AGBL4: variants seen among roughly 807,000 people sequenced by gnomAD.
The protein encoded by AGBL4 is AGBL carboxypeptidase 4.
In AGBL4, 58 loss-of-function variants were observed where a neutral mutation model predicts 66.4. The observed-to-expected ratio is 0.87, with a 90% CI of 0.71 to 1.09. The LOEUF is 1.09. Among genes scored for constraint, AGBL4 ranks in the 50% least tolerant of loss-of-function variants. The pLI, the probability that AGBL4 is intolerant of heterozygous loss-of-function variation, is 0.00. For missense variants in AGBL4, 579 were observed against 631.0 expected (o/e 0.92, Z 0.88); for synonymous variants, 234 against 222.9 (o/e 1.05, Z -0.44).
chr1:49,711,160 G>A (rs182613972), intron 2 of AGBL4, among the ~76,000 whole-genome samples: 7 of 152,028 alleles, frequency 4.6e-5, no homozygotes, highest in Non-Finnish European at 8.8e-5. Context: ...AATGTAAAAG[G>A]ACGATCACTT....
At chr1:48,525,606 T>C in the AGBL4 span, among the ~76,000 whole-genome samples, 1 of 152,164 alleles carries the variant, frequency 6.6e-6, no homozygotes, top group Non-Finnish European at 1.5e-5. Context: ...ATTATGTCAG[T>C]TGAAGATTAT....
chr1:48,785,253 C>G (rs2148722993), intron 6 of AGBL4, among the ~76,000 whole-genome samples: 1 of 152,322 alleles, frequency 6.6e-6, no homozygotes, highest in Admixed American at 6.5e-5. Flanking sequence ...GATCAAAGCT[C>G]CATTAGAGAA....
chr1:49,062,534 T>TGAGA (rs1482343601), intron 4 of AGBL4, among the ~76,000 whole-genome samples: 1 of 152,164 alleles, frequency 6.6e-6, no homozygotes, highest in Non-Finnish European at 1.5e-5. Context: ...AATGCATGAA[T>TGAGA]GAGAGTGTTA....
At chr1:49,541,812 T>C (rs976798921) in intron 3 of AGBL4, among the ~76,000 whole-genome samples, 5 of 152,178 alleles carry the variant, frequency 3.3e-5, no homozygotes, top group African/African-American at 4.8e-5. Flanking sequence ...AGAACCTTTA[T>C]GTCTAGCTAA....
At chr1:48,753,433 ATCAGCTGCC>A (rs1652062101) in intron 6 of AGBL4, among the ~76,000 whole-genome samples, 1 of 152,260 alleles carries the variant, frequency 6.6e-6, no homozygotes, top group Non-Finnish European at 1.5e-5. Context: ...TTTGGCTGAC[ATCAGCTGCC>A]TTTTCTAAGG....
rs1015167130 is a variant in AGBL4 at position 49,542,921 on chromosome 1, A to C, written c.282+154392T>G. Among the ~76,000 whole-genome samples, 72 of 150,926 alleles carry C rather than the reference A, an allele frequency of 4.8e-4. 1 individual carries two copies. The highest frequency in any genetic ancestry group is 3.2e-3 in the Admixed American group (48 of 15,092). On this transcript the variant is annotated intron_variant, in intron 3 of 13. Transcript: ENST00000371839. Reference sequence around the variant, plus strand: ...CAAAAAAAAAAAAAAAAAAAAAAAAAAAAACTCAACAACTCTAGAAACTAG... The same window carrying C: ...CAAAAAAAAAAAAAAAAAAAAAAAACAAAACTCAACAACTCTAGAAACTAG...
At chr1:49,948,564 A>AAAT (rs1553152150) in intron 1 of AGBL4, among the ~76,000 whole-genome samples, 4 of 64,608 alleles carry the variant, frequency 6.2e-5, no homozygotes, top group Non-Finnish European at 1.2e-4. Flanking sequence ...AATATATAAA[A>AAAT]ATATATATAT....
At chr1:48,805,619 G>C (rs140724597) in intron 6 of AGBL4, among the ~76,000 whole-genome samples, 132 of 152,236 alleles carry the variant, frequency 8.7e-4, no homozygotes, top group African/African-American at 3.1e-3. Context: ...AAAGAATAAT[G>C]GCCCAGGATG....
At chr1:49,425,807 A>C (rs965802353) in intron 3 of AGBL4, among the ~76,000 whole-genome samples, 3 of 152,210 alleles carry the variant, frequency 2.0e-5, no homozygotes, top group Non-Finnish European at 4.4e-5. Context: ...AGGAAGAGCA[A>C]TATGGTACAA....
chr1:49,705,737 GTTT>G (rs569805129), intron 2 of AGBL4, among the ~76,000 whole-genome samples: 1 of 147,534 alleles, frequency 6.8e-6, no homozygotes, highest in Non-Finnish European at 1.5e-5. Flanking sequence ...TTTATTGAGT[GTTT>G]TTTTTTTACC....
intron 2 of AGBL4, among the ~76,000 whole-genome samples, chr1:49,827,447 T>G (rs1449787476): frequency 6.6e-6 from 1 of 152,188 alleles, no homozygotes. Flanking sequence ...AGTTAAAACA[T>G]AAGTTTGGTT....
intron 3 of AGBL4, among the ~76,000 whole-genome samples, chr1:49,538,196 C>T (rs1651752492): frequency 2.0e-5 from 3 of 152,248 alleles, no homozygotes; most frequent in Admixed American, 6.5e-5. Context: ...TGTGGAACCA[C>T]CCTAAGTGTG....
At chr1:49,881,153 G>A (rs976910796) in intron 1 of AGBL4, among the ~76,000 whole-genome samples, 2 of 152,138 alleles carry the variant, frequency 1.3e-5, no homozygotes, top group African/African-American at 4.8e-5. Flanking sequence ...GTAGACCAGA[G>A]CTGTTCCTAT....
At chr1:49,357,763 C>T (rs1269924787) in intron 3 of AGBL4, among the ~76,000 whole-genome samples, 3 of 152,134 alleles carry the variant, frequency 2.0e-5, no homozygotes, top group African/African-American at 4.8e-5. Flanking sequence ...TTAGAGTATT[C>T]GTGAAAAATA....
intron 3 of AGBL4, among the ~76,000 whole-genome samples, chr1:49,498,674 T>G (rs1350791951): frequency 6.6e-6 from 1 of 151,834 alleles, no homozygotes; most frequent in African/African-American, 2.4e-5. Flanking sequence ...CTTTCAATTA[T>G]TCAGGGTTGA....
chr1:49,731,095 A>C (rs967022953), intron 2 of AGBL4, among the ~76,000 whole-genome samples: 1 of 152,124 alleles, frequency 6.6e-6, no homozygotes, highest in Non-Finnish European at 1.5e-5. Context: ...AGAAAGTGTG[A>C]GGACAAAGTA....
chr1:49,871,532 T>C (rs975847954), intron 1 of AGBL4, among the ~76,000 whole-genome samples: 4 of 152,120 alleles, frequency 2.6e-5, no homozygotes, highest in African/African-American at 9.7e-5. Flanking sequence ...CAAAATCTAA[T>C]TCTATGTTGA....
intron 3 of AGBL4, among the ~76,000 whole-genome samples, chr1:49,487,774 G>A (rs957911065): frequency 6.6e-6 from 1 of 151,774 alleles, no homozygotes; most frequent in African/African-American, 2.4e-5. Context: ...AAAAACCTAT[G>A]GTCTAGAAAA....
chr1:49,649,846 G>C (rs1645966475), intron 3 of AGBL4, among the ~76,000 whole-genome samples: 1 of 151,970 alleles, frequency 6.6e-6, no homozygotes, highest in African/African-American at 2.4e-5. Context: ...AAGTTACCCA[G>C]AAAATCCCCA....
Sources: allele counts gnomAD v4.1 joint callset (sites outside exome capture counted in the v4.1 genomes callset), GRCh38; gene constraint gnomAD v4.1.1; transcripts MANE v1.5; gene names NCBI Gene and HGNC (gene_info 2026-07-23, HGNC 2026-07-21).